The following DLG2 variants were observed in gnomAD, a reference collection of about 807,000 sequenced individuals.
DLG2 encodes the protein discs large MAGUK scaffold protein 2, also known as disks large homolog 2.
In DLG2, 45 loss-of-function variants were observed where a neutral mutation model predicts 132.5. The observed-to-expected ratio is 0.34, with a 90% CI of 0.27 to 0.44. DLG2 has a LOEUF of 0.44. DLG2 is among the 20% of genes least tolerant of loss of function. The pLI, the probability that DLG2 is intolerant of heterozygous loss-of-function variation, is 1.00. For synonymous variants in DLG2, 424 were observed against 419.6 expected (o/e 1.01, Z -0.13); for missense variants, 1,045 against 1,196.9 (o/e 0.87, Z 1.87).
At chr11:83,774,045 A>T (rs2094496073) in intron 18 of DLG2, among the ~76,000 whole-genome samples, 1 of 152,182 alleles carries the variant, frequency 6.6e-6, no homozygotes, top group Non-Finnish European at 1.5e-5. Flanking sequence ...CTCTGGCTGG[A>T]GTGGGACTGG....
In DLG2 at chr11:83,467,521, G is replaced by C. The variant is rs1162956446; in HGVS notation, c.2620-704C>G. Among the ~76,000 whole-genome samples the C allele has an allele frequency of 3.3e-5, 5 of 151,718 alleles. No homozygotes were observed. The East Asian group carries it at 7.8e-4, about 24-fold the overall frequency. ...CCTAGCACTCTAGGAGGCCGAGGCGGGTGGATCACCTGAGATCAGGAGTTC... is the reference window on the plus strand; with the variant it reads ...CCTAGCACTCTAGGAGGCCGAGGCGCGTGGATCACCTGAGATCAGGAGTTC... On this transcript the variant is annotated intron_variant, in intron 25 of 27. Transcript: ENST00000376104.
At chr11:83,513,007 T>G (rs191290321) in intron 21 of DLG2, among the ~76,000 whole-genome samples, 1 of 152,380 alleles carries the variant, frequency 6.6e-6, no homozygotes, top group East Asian at 1.9e-4. Flanking sequence ...TGCATCTATC[T>G]TTATAGCAGC....
intron 4 of DLG2, among the ~76,000 whole-genome samples, chr11:85,201,820 T>C (rs1035343352): frequency 6.7e-6 from 1 of 150,136 alleles, no homozygotes; most frequent in African/African-American, 2.4e-5. Context: ...AAACAACTAC[T>C]TCAAGGAAGC....
intron 3 of DLG2, among the ~76,000 whole-genome samples, chr11:85,357,719 T>A (rs1214542716): frequency 1.4e-3 from 2 of 1,474 alleles, no homozygotes; most frequent in East Asian, 0.015. Context: ...TATATATATA[T>A]ATATATATAT....
intron 7 of DLG2, among the ~76,000 whole-genome samples, chr11:84,357,543 T>C (rs1023167885): frequency 1.3e-5 from 2 of 151,960 alleles, no homozygotes; most frequent in Admixed American, 1.3e-4. Flanking sequence ...AGTGCTTGTG[T>C]CCCCAAGGCA....
chr11:85,265,926 A>G (rs1326823893), intron 4 of DLG2, among the ~76,000 whole-genome samples: 1 of 152,106 alleles, frequency 6.6e-6, no homozygotes, highest in Non-Finnish European at 1.5e-5. Flanking sequence ...CTCCCCATTC[A>G]CCATCCTTTG....
chr11:83,882,504 T>C (rs899993825), intron 15 of DLG2, among the ~76,000 whole-genome samples: 1 of 152,208 alleles, frequency 6.6e-6, no homozygotes. Flanking sequence ...ACTCAAAATG[T>C]GCTTTTACTT....
intron 27 of DLG2, among the ~76,000 whole-genome samples, chr11:83,460,984 G>T: frequency 6.8e-6 from 1 of 146,876 alleles, no homozygotes; most frequent in African/African-American, 2.5e-5. Flanking sequence ...GGTAATCCAG[G>T]AAGAAAGTTC....
intron 7 of DLG2, 65 bp downstream of exon 7, chr11:84,534,505 C>A: frequency 2.0e-6 from 3 of 1,508,560 alleles, no homozygotes; most frequent in Non-Finnish European, 9.2e-7. Context: ...CAGCAAACAT[C>A]TCCATTAGCA....
At position 83,654,457 on chromosome 11, in the gene DLG2, T is replaced by C. The variant is rs2071676502; in HGVS notation, c.1826-21132A>G. 2.0e-5 allele frequency among the ~76,000 whole-genome samples: 3 copies of C among 152,228 alleles called. No individual in the cohort carries two copies. In the South Asian group the frequency reaches 6.2e-4, roughly 32 times the overall value. ...TTTTTTCTTCCCCTTACAATGATGG[T>C]TCTTCTGTCTTGACATTCTAACAAA... On this transcript the variant is annotated intron_variant, in intron 18 of 27. Coordinates refer to ENST00000376104, the MANE Select transcript of DLG2 (RefSeq NM_001142699.3).
At chr11:84,732,735 C>G (rs1042429427) in intron 6 of DLG2, among the ~76,000 whole-genome samples, 2 of 151,946 alleles carry the variant, frequency 1.3e-5, no homozygotes, top group Non-Finnish European at 1.5e-5. Context: ...TGTTGGTGTG[C>G]TGCACCCATT....
chr11:85,172,058 C>G (rs747816629), intron 4 of DLG2, among the ~76,000 whole-genome samples: 3 of 152,212 alleles, frequency 2.0e-5, no homozygotes, highest in Non-Finnish European at 2.9e-5. Flanking sequence ...GCATTCTGGA[C>G]GAGGGGGGGT....
chr11:84,750,713 T>C (rs1005608039), intron 6 of DLG2, among the ~76,000 whole-genome samples: 1 of 152,172 alleles, frequency 6.6e-6, no homozygotes, highest in African/African-American at 2.4e-5. Context: ...TAGGCTGTTT[T>C]TCAATTACTT....
chr11:84,988,444 C>T (rs1358637845), intron 6 of DLG2, among the ~76,000 whole-genome samples: 1 of 152,058 alleles, frequency 6.6e-6, no homozygotes, highest in Non-Finnish European at 1.5e-5. Flanking sequence ...TTTGCAATTG[C>T]AAAAATGTGG....
At chr11:84,160,780 T>C (rs2095529547) in intron 9 of DLG2, among the ~76,000 whole-genome samples, 1 of 152,140 alleles carries the variant, frequency 6.6e-6, no homozygotes. Context: ...AAAAAGTTGG[T>C]CTTAGAATGG....
chr11:84,838,916 C>T (rs1301523627), intron 6 of DLG2, among the ~76,000 whole-genome samples: 2 of 151,996 alleles, frequency 1.3e-5, no homozygotes, highest in South Asian at 2.1e-4. Context: ...GGAAGCATTC[C>T]CTTTGAAAAC....
intron 6 of DLG2, among the ~76,000 whole-genome samples, chr11:84,861,719 G>T (rs113558675): frequency 0.015 from 2,215 of 149,054 alleles, 64 homozygotes; most frequent in African/African-American, 0.051. Flanking sequence ...CTGACAAAGG[G>T]CTAATATCCA....
In DLG2 at chr11:85,484,203, C is replaced by G. The variant is rs527391425; in HGVS notation, c.40+114454G>C. ...CCGGTGGCGGATCTTTCCCGCCCCCCGTTCCTCCCGACCCCTCCACCCGCC... is the reference window on the plus strand; with the variant it reads ...CCGGTGGCGGATCTTTCCCGCCCCCGGTTCCTCCCGACCCCTCCACCCGCC... On this transcript the variant is annotated intron_variant, in intron 3 of 27. Coordinates refer to ENST00000376104, the MANE Select transcript of DLG2 (RefSeq NM_001142699.3). Among the ~76,000 whole-genome samples, 169 of 125,492 alleles carry G rather than the reference C, an allele frequency of 1.3e-3. 2 individuals are homozygous for G. The highest frequency in any genetic ancestry group is 4.9e-3 in the African/African-American group (162 of 33,154). The allele number at this position is 125,492 out of a possible 152,430, so 82.3% of individuals were successfully genotyped here.
At chr11:85,497,303 T>C (rs893365055) in intron 3 of DLG2, among the ~76,000 whole-genome samples, 5 of 151,374 alleles carry the variant, frequency 3.3e-5, no homozygotes, top group African/African-American at 1.2e-4. Flanking sequence ...AATAGCCAAT[T>C]TGATCAAGCA....
Sources: allele counts gnomAD v4.1 joint callset (sites outside exome capture counted in the v4.1 genomes callset), GRCh38; gene constraint gnomAD v4.1.1; transcripts MANE v1.5; gene names NCBI Gene and HGNC (gene_info 2026-07-23, HGNC 2026-07-21).